PCNX1: variants seen among roughly 807,000 people sequenced by gnomAD.
PCNX1 encodes the protein pecanex-like protein 1.
PCNX1 carries 78 observed loss-of-function variants against 242.2 expected under a neutral mutation model. The ratio of observed to expected loss-of-function variants is 0.32; its 90% CI spans 0.27 to 0.39. The LOEUF (loss-of-function observed/expected upper bound fraction) is 0.39, where lower values mean the gene tolerates loss of function less well. Ranked by LOEUF, PCNX1 falls within the 10% of genes least tolerant of loss-of-function variation. The pLI, the probability that PCNX1 is intolerant of heterozygous loss-of-function variation, is 1.00. For missense variants in PCNX1, 2,581 were observed against 2,856.5 expected, an observed-to-expected ratio of 0.90 and a Z score of 2.20; for synonymous variants, 1,024 against 1,032.9, an observed-to-expected ratio of 0.99 and a Z score of 0.17.
chr14:71,018,983 T>C, intron 11 of PCNX1, 26 bp from the exon 12 acceptor site: 2 of 1,594,058 alleles, frequency 1.3e-6, no homozygotes, highest in Admixed American at 1.7e-5. Flanking sequence ...TAAGATATAC[T>C]TACCCATAAG....
At chr14:71,005,485 G>A (rs2059628070) in intron 8 of PCNX1, among the ~76,000 whole-genome samples, 1 of 151,282 alleles carries the variant, frequency 6.6e-6, no homozygotes, top group Non-Finnish European at 1.5e-5. Flanking sequence ...TCCAGCCTGG[G>A]TGACAGAGTG....
chr14:70,965,662 C>CAT (rs1555350277), intron 3 of PCNX1, among the ~76,000 whole-genome samples: 5 of 91,124 alleles, frequency 5.5e-5, no homozygotes, highest in Non-Finnish European at 1.0e-4. Flanking sequence ...GACTCCGTCT[C>CAT]AAAAAAAAAA....
In PCNX1 at chr14:70,978,408, T is replaced by G; in HGVS notation, c.2071T>G (p.Leu691Val). The change falls in exon 6 of 36, where the codon TTG (leucine) becomes GTG (valine). Residue 691 changes from leucine to valine, a missense_variant. By Grantham distance (32) the Leu-to-Val change is conservative. Transcript: ENST00000304743. ...TNSAKTRARV[L>V]SLDSGTVACL... ...TAGTGCCAAGACTCGTGCCCGAGTG[T>G]TGAGCCTGGACAGTGGCACAGTAGC... 1 of 1,614,222 alleles carries G rather than the reference T, an allele frequency of 6.2e-7. No homozygotes were observed. The highest frequency in any genetic ancestry group is 8.5e-7 in the Non-Finnish European group (1 of 1,180,038).
At chr14:71,070,114 C>T (rs951349729) in intron 26 of PCNX1, among the ~76,000 whole-genome samples, 1 of 152,202 alleles carries the variant, frequency 6.6e-6, no homozygotes. Flanking sequence ...GCTTTCTTCT[C>T]AACCATAAGA....
intron 18 of PCNX1, among the ~76,000 whole-genome samples, chr14:71,034,754 T>C (rs1397769688): frequency 2.0e-5 from 3 of 152,212 alleles, no homozygotes; most frequent in Non-Finnish European, 4.4e-5. Context: ...TCACATATTT[T>C]TTTCAGAAAC....
In PCNX1 at chr14:71,013,100, A is replaced by C; in HGVS notation, c.2894A>C (p.Glu965Ala). The C allele has an allele frequency of 6.2e-7, 1 of 1,614,102 alleles. No individual in the cohort carries two copies. Among genetic ancestry groups the C allele is most frequent in the South Asian group, 1.1e-5 (1 of 91,076 alleles). The change falls in exon 11 of 36, where the codon GAA becomes GCA. Residue 965 changes from glutamate to alanine, a missense_variant. Physicochemically the swap from Glu to Ala is moderately radical, Grantham distance 107 (BLOSUM62 -1). Around this residue, in one of 9 missense-constraint regions of PCNX1, gnomAD observed 1,204 missense variants for 1,216.7 expected, o/e 0.99. Coordinates refer to ENST00000304743, the MANE Select transcript of PCNX1 (RefSeq NM_014982.3). ...GCAGCTACTTACGGCCCAACAGAAG[A>C]AGCTGCCCAAAAGGTTAAACACTAT... ...DLAATYGPTEEAAQKVKHYYR... is the reference protein window; with the variant it reads ...DLAATYGPTEAAAQKVKHYYR...
At chr14:70,958,342 AAAACACAC>A (rs2058070196) in intron 2 of PCNX1, among the ~76,000 whole-genome samples, 1 of 152,242 alleles carries the variant, frequency 6.6e-6, no homozygotes, top group Non-Finnish European at 1.5e-5. Context: ...ATTGATAATA[AAAACACAC>A]TAGAGTTCAA....
Position 70,977,229 on chromosome 14 carries a change from C to A in PCNX1, c.892C>A (p.Leu298Met), listed in dbSNP as rs764722320. ...TGCTGTGGCTTTTCCAGACACTTCA[C>A]TGAATGATTTTCCCCTTTATCAGCA... ...SSAVAFPDTS[L>M]NDFPLYQQRR... The change falls in exon 6 of 36, where the codon CTG becomes ATG. Residue 298 changes from leucine (L) to methionine (M), a missense_variant. Coordinates refer to ENST00000304743, the MANE Select transcript of PCNX1 (RefSeq NM_014982.3). The A allele has an allele frequency of 6.2e-7, 1 of 1,614,232 alleles. No homozygotes were observed. The highest frequency in any genetic ancestry group is 2.2e-5 in the East Asian group (1 of 44,888).
intron 1 of PCNX1, among the ~76,000 whole-genome samples, chr14:70,920,474 A>G (rs560303661): frequency 3.9e-5 from 6 of 152,344 alleles, no homozygotes; most frequent in Non-Finnish European, 7.3e-5. Flanking sequence ...AAAAGGTTTT[A>G]CATCTATGAT....
At chr14:71,012,944 T>G in intron 10 of PCNX1, 41 bp from the exon 11 acceptor site, 6 of 1,190,584 alleles carry the variant, frequency 5.0e-6, no homozygotes, top group Non-Finnish European at 7.5e-6. Flanking sequence ...TAAATAAATA[T>G]TGAAGATATT....
At position 71,009,664 on chromosome 14, in the gene PCNX1, G is replaced by A. The variant is rs1159548302; in HGVS notation, c.2660G>A (p.Gly887Asp). The A allele has an allele frequency of 5.0e-6, 8 of 1,604,496 alleles. No individual in the cohort carries two copies. Among genetic ancestry groups the A allele is most frequent in the East Asian group, 2.2e-5 (1 of 44,760 alleles). ...GKFSSTLYET[G>D]GCDMSLVNFE... Reference sequence around the variant, plus strand: ...TTCTCTTCTACGCTGTATGAGACTGGTGGCTGTGATATGTCACTTGTGAAT... The same window carrying A: ...TTCTCTTCTACGCTGTATGAGACTGATGGCTGTGATATGTCACTTGTGAAT... Residue 887 changes from glycine to aspartate, a missense_variant, in exon 9 of 36, where the codon GGT becomes GAT. Transcript: ENST00000304743.
At chr14:71,100,397 T>G (rs904829466) in intron 30 of PCNX1, among the ~76,000 whole-genome samples, 20 of 152,212 alleles carry the variant, frequency 1.3e-4, no homozygotes, top group African/African-American at 4.6e-4. Flanking sequence ...TGGAATTTCT[T>G]TAAGAATGCT....
chr14:71,035,780 G>A (rs2060512520), intron 18 of PCNX1, among the ~76,000 whole-genome samples: 1 of 152,180 alleles, frequency 6.6e-6, no homozygotes, highest in Non-Finnish European at 1.5e-5. Context: ...ATGGTGGGGT[G>A]TGGTGGCACG....
intron 28 of PCNX1, among the ~76,000 whole-genome samples, chr14:71,078,409 G>A (rs1595452920): frequency 6.6e-6 from 1 of 152,152 alleles, no homozygotes. Flanking sequence ...TTTCAAGATA[G>A]TGTAAGATTG....
chr14:70,928,790 C>T (rs537852410), intron 1 of PCNX1, among the ~76,000 whole-genome samples: 2 of 152,288 alleles, frequency 1.3e-5, no homozygotes, highest in South Asian at 2.1e-4. Flanking sequence ...GGAGACAAAT[C>T]TGTACCAGAC....
At chr14:70,988,832 C>A in intron 7 of PCNX1, 133 bp downstream of exon 7, 1 of 1,098,820 alleles carries the variant, frequency 9.1e-7, no homozygotes, top group Non-Finnish European at 1.3e-6. Flanking sequence ...TACATTTAAG[C>A]CCTTTTTGGC....
intron 33 of PCNX1, among the ~76,000 whole-genome samples, chr14:71,105,686 C>T (rs1289006891): frequency 5.3e-5 from 8 of 150,470 alleles, no homozygotes; most frequent in Admixed American, 5.3e-4. Flanking sequence ...GGGACTAAGG[C>T]CCCTGCCACC....
intron 5 of PCNX1, 116 bp from the exon 6 acceptor site, chr14:70,976,826 C>A: frequency 1.1e-6 from 1 of 882,422 alleles, no homozygotes; most frequent in Non-Finnish European, 1.7e-6. Flanking sequence ...TGGAGAACTA[C>A]TTGAGAAATT....
chr14:71,035,348 G>A (rs1488215554), intron 18 of PCNX1, among the ~76,000 whole-genome samples: 2 of 152,172 alleles, frequency 1.3e-5, no homozygotes, highest in Non-Finnish European at 2.9e-5. Context: ...ATGTTATACG[G>A]CATGCAGAAC....
Sources: allele counts gnomAD v4.1 joint callset (sites outside exome capture counted in the v4.1 genomes callset), GRCh38; gene constraint gnomAD v4.1.1; regional missense constraint gnomAD v4.1.1; transcripts MANE v1.5; gene names NCBI Gene and HGNC (gene_info 2026-07-23, HGNC 2026-07-21).